Variants in ROBO1 observed in about 807,000 individuals in gnomAD.
ROBO1 encodes roundabout guidance receptor 1, also known as roundabout homolog 1.
A neutral mutation model predicts 195.9 loss-of-function variants in ROBO1; 149 were observed. That is an observed-to-expected ratio of 0.76 (90% CI 0.67 to 0.87). The LOEUF is 0.87. ROBO1 is among the 40% of genes least tolerant of loss of function. ROBO1 has a pLI of 0.00. For synonymous variants in ROBO1, 816 were observed against 733.2 expected, an observed-to-expected ratio of 1.11 and a Z score of -1.82; for missense variants, 1,933 against 2,068.3, an observed-to-expected ratio of 0.93 and a Z score of 1.27.
intron 2 of ROBO1, among the ~76,000 whole-genome samples, chr3:79,338,706 C>T (rs2034785763): frequency 6.6e-6 from 1 of 151,888 alleles, no homozygotes; most frequent in South Asian, 2.1e-4. Flanking sequence ...TTCTCAAATT[C>T]TAAAAAAAAA....
intron 2 of ROBO1, among the ~76,000 whole-genome samples, chr3:79,168,004 AAAT>A (rs1279953125): frequency 1.3e-5 from 2 of 152,176 alleles, no homozygotes. Flanking sequence ...ATCAGTATTA[AAAT>A]AATTATTTTT....
intron 25 of ROBO1, among the ~76,000 whole-genome samples, chr3:78,630,217 G>C (rs1027965757): frequency 6.6e-6 from 1 of 152,158 alleles, no homozygotes; most frequent in Non-Finnish European, 1.5e-5. Flanking sequence ...TGTGGCTAGA[G>C]GTTAGAAGGA....
chr3:78,729,988 C>T (rs1345068880), intron 5 of ROBO1, among the ~76,000 whole-genome samples: 2 of 152,186 alleles, frequency 1.3e-5, no homozygotes, highest in Non-Finnish European at 1.5e-5. Context: ...TTTTTATCAC[C>T]TCTTCCAACC....
intron 2 of ROBO1, among the ~76,000 whole-genome samples, chr3:79,377,918 T>C (rs1403071248): frequency 6.6e-6 from 1 of 152,174 alleles, no homozygotes; most frequent in Non-Finnish European, 1.5e-5. Flanking sequence ...ACTATCTTAA[T>C]TAAGCAGATG....
intron 2 of ROBO1, among the ~76,000 whole-genome samples, chr3:79,389,054 T>G (rs2036853767): frequency 6.6e-6 from 1 of 152,036 alleles, no homozygotes. Flanking sequence ...TAATTATATA[T>G]TTAGTATGAT....
chr3:79,096,833 T>C (rs1057437231), intron 3 of ROBO1, among the ~76,000 whole-genome samples: 4 of 151,028 alleles, frequency 2.6e-5, no homozygotes, highest in Non-Finnish European at 5.9e-5. Context: ...GGAGCATCTT[T>C]TGCAGACAAA....
chr3:79,180,432 C>T (rs527524965), intron 2 of ROBO1, among the ~76,000 whole-genome samples: 76 of 152,286 alleles, frequency 5.0e-4, no homozygotes, highest in Middle Eastern at 3.4e-3. Context: ...GTCTCTTTCT[C>T]CTTTCTCTCC....
intron 3 of ROBO1, among the ~76,000 whole-genome samples, chr3:79,020,810 T>A (rs1480476541): frequency 6.6e-6 from 1 of 152,032 alleles, no homozygotes; most frequent in Admixed American, 6.5e-5. Flanking sequence ...TCAAAAAAAA[T>A]TATTTGGTGT....
chr3:79,583,156 T>C (rs1483208975), intron 2 of ROBO1, among the ~76,000 whole-genome samples: 3 of 152,024 alleles, frequency 2.0e-5, no homozygotes, highest in African/African-American at 7.2e-5. Flanking sequence ...CTAATTAATA[T>C]GGTGTTCCTA....
chr3:78,977,047 T>C (rs1482896109), intron 3 of ROBO1, among the ~76,000 whole-genome samples: 1 of 152,118 alleles, frequency 6.6e-6, no homozygotes, highest in African/African-American at 2.4e-5. Flanking sequence ...AACTCAAAAT[T>C]GGTAAAACAA....
intron 2 of ROBO1, among the ~76,000 whole-genome samples, chr3:79,359,805 G>GA (rs1229075389): frequency 6.6e-6 from 1 of 151,840 alleles, no homozygotes; most frequent in Non-Finnish European, 1.5e-5. Context: ...TAGGCACCAG[G>GA]ATGCCAGGAA....
chr3:79,563,993 C>G (rs1273773529), intron 2 of ROBO1, among the ~76,000 whole-genome samples: 1 of 150,394 alleles, frequency 6.6e-6, no homozygotes. Flanking sequence ...ATTTTCAAAT[C>G]AAAGTTACGT....
chr3:79,336,812 G>T (rs1014220112), intron 2 of ROBO1, among the ~76,000 whole-genome samples: 1 of 152,202 alleles, frequency 6.6e-6, no homozygotes, highest in East Asian at 1.9e-4. Flanking sequence ...CAGCTGGAAG[G>T]GGGGCTGTAC....
chr3:79,550,190 A>AGAAAGAAAGAAAGGAAAG (rs1559984349), intron 2 of ROBO1, among the ~76,000 whole-genome samples: 1 of 101,658 alleles, frequency 9.8e-6, no homozygotes. Context: ...AAAGAAAGAA[A>AGAAAGAAAGAAAGGAAAG]GAAAGGAAAA....
At position 79,180,146 on chromosome 3, in the gene ROBO1, A is replaced by G. The variant is rs535343130; in HGVS notation, c.89-54607T>C. Among the ~76,000 whole-genome samples the G allele has an allele frequency of 5.3e-5, 8 of 152,264 alleles. No individual in the cohort carries two copies. In the South Asian group the frequency reaches 1.5e-3, roughly 28 times the overall value. On this transcript the variant is annotated intron_variant, in intron 2 of 30. Coordinates refer to ENST00000464233, the MANE Select transcript of ROBO1 (RefSeq NM_002941.4). ...CACACTGTTTATCTTCCCTTCCTCA[A>G]TGATCAGTCTTTAGGATGAAGCCCA...
chr3:79,659,116 C>T (rs1380579392), intron 1 of ROBO1, among the ~76,000 whole-genome samples: 1 of 151,934 alleles, frequency 6.6e-6, no homozygotes, highest in African/African-American at 2.4e-5. Flanking sequence ...ATAATATAAT[C>T]GACACATATC....
At chr3:79,548,130 G>A (rs935234755) in intron 2 of ROBO1, among the ~76,000 whole-genome samples, 1 of 152,144 alleles carries the variant, frequency 6.6e-6, no homozygotes, top group Non-Finnish European at 1.5e-5. Context: ...AATCATCTGA[G>A]AGAAAAATGC....
At chr3:79,307,296 C>CT (rs898691685) in intron 2 of ROBO1, among the ~76,000 whole-genome samples, 31 of 150,228 alleles carry the variant, frequency 2.1e-4, no homozygotes, top group South Asian at 2.1e-4. Flanking sequence ...ACAGGCTTTT[C>CT]TTTTTTTTTA....
chr3:79,327,605 G>C (rs1312512543), intron 2 of ROBO1, among the ~76,000 whole-genome samples: 1 of 151,700 alleles, frequency 6.6e-6, no homozygotes, highest in Non-Finnish European at 1.5e-5. Flanking sequence ...ATATATATAT[G>C]TCTGAAGAAC....
Sources: gnomAD v4.1 joint callset for allele counts (sites outside exome capture counted in the v4.1 genomes callset) on GRCh38, gnomAD v4.1.1 for gene constraint, MANE v1.5 for transcripts, NCBI Gene and HGNC (gene_info 2026-07-23, HGNC 2026-07-21) for gene names.